The following GALM variants were observed in gnomAD, a reference collection of about 807,000 sequenced individuals.
GALM encodes aldose 1-epimerase.
In GALM, 43 loss-of-function variants were observed where a neutral mutation model predicts 37.4. The ratio of observed to expected loss-of-function variants is 1.15; its 90% CI spans 0.90 to 1.48. The LOEUF is 1.48. Ranked by LOEUF, GALM falls within the 40% of genes most tolerant of loss-of-function variation. GALM has a pLI of 0.00. For synonymous variants in GALM, 199 were observed against 170.6 expected, an observed-to-expected ratio of 1.17 and a Z score of -1.30; for missense variants, 456 against 419.1, an observed-to-expected ratio of 1.09 and a Z score of -0.77.
chr2:38,670,612 C>T (rs6736259), intron 1 of GALM, among the ~76,000 whole-genome samples: 46,749 of 152,068 alleles, frequency 0.31, 9,784 homozygotes, highest in African/African-American at 0.58. Context: ...TTTAATGAGC[C>T]ATGGGCTGTG....
chr2:38,718,496 G>A (rs558204146), intron 4 of GALM, among the ~76,000 whole-genome samples: 22 of 152,014 alleles, frequency 1.4e-4, no homozygotes, highest in African/African-American at 5.3e-4. Context: ...ACTGCTCCCG[G>A]CCCAAGTATT....
intron 4 of GALM, among the ~76,000 whole-genome samples, chr2:38,707,854 T>A (rs1304584449): frequency 6.6e-6 from 1 of 152,014 alleles, no homozygotes; most frequent in Non-Finnish European, 1.5e-5. Flanking sequence ...ATGCCTATAA[T>A]CCCAGCACTC....
At chr2:38,722,118 G>A (rs1666393646) in intron 4 of GALM, among the ~76,000 whole-genome samples, 2 of 135,964 alleles carry the variant, frequency 1.5e-5, no homozygotes, top group Non-Finnish European at 3.0e-5. Flanking sequence ...CCAGCACTTT[G>A]GGAGGCGGAG....
chr2:38,721,807 C>T (rs12712614), intron 4 of GALM, among the ~76,000 whole-genome samples: 87,252 of 151,804 alleles, frequency 0.57, 26,217 homozygotes, highest in East Asian at 0.8. Context: ...TGAGCCACCG[C>T]GCCTGGTCCA....
chr2:38,677,817 GA>G (rs1665295872), intron 2 of GALM, among the ~76,000 whole-genome samples: 2 of 151,982 alleles, frequency 1.3e-5, no homozygotes, highest in East Asian at 3.9e-4. Flanking sequence ...ACTCTTACAT[GA>G]TAACTGTTAA....
chr2:38,693,698 G>A (rs1022757153), intron 4 of GALM, among the ~76,000 whole-genome samples: 1 of 152,182 alleles, frequency 6.6e-6, no homozygotes, highest in African/African-American at 2.4e-5. Context: ...CCACAAGCCT[G>A]TAAGGTAGGT....
chr2:38,696,115 T>G (rs546792169), intron 4 of GALM, among the ~76,000 whole-genome samples: 1 of 151,894 alleles, frequency 6.6e-6, no homozygotes, highest in South Asian at 2.1e-4. Context: ...AAAAAAAGTG[T>G]AGAGATTTTT....
At chr2:38,681,173 A>T in intron 2 of GALM, 107 bp from the exon 3 acceptor site, 1 of 900,516 alleles carries the variant, frequency 1.1e-6, no homozygotes, top group Non-Finnish European at 1.8e-6. Context: ...GTCTTAATTG[A>T]TTGTATAACC....
chr2:38,724,170 C>T (rs949660085), intron 4 of GALM, among the ~76,000 whole-genome samples: 17 of 152,296 alleles, frequency 1.1e-4, no homozygotes, highest in Middle Eastern at 6.8e-3. Context: ...CTGTCCATCT[C>T]GGCCTCCCAA....
At chr2:38,691,824 T>C (rs1457306590) in intron 4 of GALM, among the ~76,000 whole-genome samples, 5 of 151,796 alleles carry the variant, frequency 3.3e-5, no homozygotes, top group Non-Finnish European at 7.4e-5. Context: ...AAATTTAATC[T>C]CAGAATAAGG....
At chr2:38,730,102 C>T (rs1383049163) in intron 5 of GALM, among the ~76,000 whole-genome samples, 1 of 152,246 alleles carries the variant, frequency 6.6e-6, no homozygotes, top group Non-Finnish European at 1.5e-5. Flanking sequence ...GCACTCACCG[C>T]CTCCAGCCTT....
intron 4 of GALM, among the ~76,000 whole-genome samples, chr2:38,698,047 G>C (rs2148441002): frequency 6.6e-6 from 1 of 151,902 alleles, no homozygotes; most frequent in South Asian, 2.1e-4. Context: ...GGGTTCAAAT[G>C]ATCCTCTTGC....
chr2:38,711,592 C>T (rs572649096), intron 4 of GALM, among the ~76,000 whole-genome samples: 27 of 151,728 alleles, frequency 1.8e-4, no homozygotes, highest in Non-Finnish European at 4.0e-4. Context: ...ATACTTAATA[C>T]TTATGAGAGT....
intron 2 of GALM, among the ~76,000 whole-genome samples, chr2:38,679,732 C>G (rs183607082): frequency 8.5e-5 from 13 of 152,214 alleles, no homozygotes; most frequent in African/African-American, 3.1e-4. Context: ...CAATGCCACA[C>G]ACTAGCTGTG....
chr2:38,675,526 GTTT>G (rs869119386), intron 1 of GALM, among the ~76,000 whole-genome samples: 53 of 74,590 alleles, frequency 7.1e-4, no homozygotes, highest in South Asian at 2.3e-3. Context: ...GGGTTTTTTT[GTTT>G]TTTTTTTTTT....
rs140080779 is a variant in GALM at position 38,693,879 on chromosome 2, T to A, written c.634+3985T>A. 2.6e-4 allele frequency among the ~76,000 whole-genome samples: 39 copies of A among 152,278 alleles called. No homozygotes were observed. In the East Asian group the frequency reaches 6.0e-3, roughly 23 times the overall value. ...GACCTGCACTCTACAGATCTTACAA[T>A]GTGGTTAGATGTCAAGAAGGTTTGG... On this transcript the variant is annotated intron_variant, in intron 4 of 6. Transcript: ENST00000272252.
At chr2:38,681,024 C>T (rs370773811) in intron 2 of GALM, among the ~76,000 whole-genome samples, 17 of 151,638 alleles carry the variant, frequency 1.1e-4, no homozygotes, top group African/African-American at 3.4e-4. Flanking sequence ...TAATCATACT[C>T]GGGAGGCTGA....
chr2:38,680,818 G>A (rs1665375848), intron 2 of GALM, among the ~76,000 whole-genome samples: 2 of 152,086 alleles, frequency 1.3e-5, no homozygotes, highest in South Asian at 4.1e-4. Context: ...TGAGAAGGTA[G>A]AGAAAAACAA....
At chr2:38,695,144 C>T (rs115378844) in intron 4 of GALM, among the ~76,000 whole-genome samples, 2,589 of 151,642 alleles carry the variant, frequency 0.017, 37 homozygotes, top group Middle Eastern at 0.027. Context: ...ACAAACAGGC[C>T]GGGTGCAGTG....
Sources: gnomAD v4.1 joint callset for allele counts (sites outside exome capture counted in the v4.1 genomes callset) on GRCh38, gnomAD v4.1.1 for gene constraint, MANE v1.5 for transcripts, NCBI Gene and HGNC (gene_info 2026-07-23, HGNC 2026-07-21) for gene names.